HYLS1: variants seen among roughly 807,000 people sequenced by gnomAD.
The protein encoded by HYLS1 is HYLS1 centriolar and ciliogenesis associated.
Under a neutral mutation model 29.4 loss-of-function variants are expected in HYLS1, and 25 were observed. The observed-to-expected ratio is 0.85, with a 90% confidence interval of 0.62 to 1.19. HYLS1 has a LOEUF of 1.19. HYLS1 is among the 50% of genes most tolerant of loss of function. The pLI, the probability that HYLS1 is intolerant of heterozygous loss-of-function variation, is 0.00. For synonymous variants in HYLS1, 128 were observed against 126.7 expected, an observed-to-expected ratio of 1.01 and a Z score of -0.07; for missense variants, 352 against 365.1, an observed-to-expected ratio of 0.96 and a Z score of 0.29.
chr11:125,893,253 C>T (rs1944463124), intron 2 of HYLS1, among the ~76,000 whole-genome samples: 1 of 152,210 alleles, frequency 6.6e-6, no homozygotes, highest in African/African-American at 2.4e-5. Context: ...AAAACATTTA[C>T]CAACCTCTGC....
At chr11:125,894,196 A>G in intron 2 of HYLS1, 1 of 1,614,082 alleles carries the variant, frequency 6.2e-7, no homozygotes, top group Non-Finnish European at 8.5e-7. Context: ...GTAGGTGGGT[A>G]ATATTGAACT....
At chr11:125,889,097 T>A (rs956858806) in intron 1 of HYLS1, among the ~76,000 whole-genome samples, 3 of 152,212 alleles carry the variant, frequency 2.0e-5, no homozygotes, top group African/African-American at 7.2e-5. Context: ...GTTACAAATA[T>A]AATAAAGTAT....
At chr11:125,898,257 A>G (rs1944649358) in intron 2 of HYLS1, among the ~76,000 whole-genome samples, 1 of 152,190 alleles carries the variant, frequency 6.6e-6, no homozygotes, top group Admixed American at 6.5e-5. Context: ...GGGACACAGG[A>G]AATAGTGGAC....
intron 2 of HYLS1, chr11:125,894,230 C>G: frequency 6.2e-7 from 1 of 1,613,044 alleles, no homozygotes; most frequent in Non-Finnish European, 8.5e-7. Flanking sequence ...GTCATAGATC[C>G]ACTTGACATT....
intron 1 of HYLS1, among the ~76,000 whole-genome samples, chr11:125,889,797 A>C (rs1441971919): frequency 1.3e-5 from 2 of 152,182 alleles, no homozygotes; most frequent in African/African-American, 4.8e-5. Context: ...ATTATCCCCA[A>C]CACACAGGGC....
In HYLS1 at chr11:125,893,905, G is replaced by A. The variant is rs1189026420; in HGVS notation, c.-26+2433G>A. On this transcript the variant is annotated intron_variant, in intron 2 of 2. Coordinates refer to ENST00000425380, the MANE Select transcript of HYLS1 (RefSeq NM_001134793.2). ...TTTTGGCTTTTGTTTCTTCCTCATG[G>A]AATAAATGTGGGTGCTCAATTCGTC... 10 of 1,613,982 alleles carry A rather than the reference G, an allele frequency of 6.2e-6. No homozygotes were observed. The Admixed American group carries it at 1.7e-4, about 27-fold the overall frequency.
chr11:125,884,902 C>T (rs1056719793), upstream of HYLS1, among the ~76,000 whole-genome samples: 5 of 152,072 alleles, frequency 3.3e-5, no homozygotes, highest in African/African-American at 1.2e-4. Context: ...GGATTTTTCT[C>T]TATATACTGT....
At chr11:125,897,381 A>C (rs988425830) in intron 2 of HYLS1, among the ~76,000 whole-genome samples, 5 of 152,150 alleles carry the variant, frequency 3.3e-5, no homozygotes, top group African/African-American at 1.2e-4. Flanking sequence ...CTAGAAAAAG[A>C]TGTGACCTAA....
intron 2 of HYLS1, chr11:125,896,386 T>C: frequency 8.7e-7 from 1 of 1,145,054 alleles, no homozygotes; most frequent in Non-Finnish European, 1.2e-6. Flanking sequence ...TTGATGATGT[T>C]CTAATGGTAT....
chr11:125,895,007 T>G (rs1208784173), intron 2 of HYLS1, among the ~76,000 whole-genome samples: 1 of 152,108 alleles, frequency 6.6e-6, no homozygotes, highest in Non-Finnish European at 1.5e-5. Flanking sequence ...AATCAGTGAC[T>G]TCGTTATTTA....
At chr11:125,896,996 A>G (rs145212105) in intron 2 of HYLS1, among the ~76,000 whole-genome samples, 6 of 152,344 alleles carry the variant, frequency 3.9e-5, no homozygotes, top group African/African-American at 1.4e-4. Flanking sequence ...ATATTTTGAT[A>G]AAAGATTTCT....
rs1293083784 is a variant in HYLS1 at position 125,895,405 on chromosome 11, C to A, written c.-26+3933C>A. 9 of 1,614,020 alleles carry A rather than the reference C, an allele frequency of 5.6e-6. No individual in the cohort carries two copies. In the African/African-American group the frequency reaches 1.2e-4, roughly 22 times the overall value. ...TGGAAAGGTTCTTGCCATCTCCCCT[C>A]ACCTGGGCTCTGGCCCACTAGCTGT... On this transcript the variant is annotated intron_variant, in intron 2 of 2. Coordinates refer to ENST00000425380, the MANE Select transcript of HYLS1 (RefSeq NM_001134793.2).
chr11:125,885,337 G>A (rs112135696), upstream of HYLS1, among the ~76,000 whole-genome samples: 3,504 of 152,192 alleles, frequency 0.023, 132 homozygotes, highest in African/African-American at 0.078. Context: ...TGTAGTCCCA[G>A]CTACTCAGGA....
At position 125,899,699 on chromosome 11, in the gene HYLS1, G is replaced by T; in HGVS notation, c.331G>T (p.Asp111Tyr). The T allele has an allele frequency of 6.2e-7, 1 of 1,614,246 alleles. No individual in the cohort carries two copies. The highest frequency in any genetic ancestry group is 8.5e-7 in the Non-Finnish European group (1 of 1,180,028). ...GCCAGATGGGGAAGTATTAGTAACA[G>T]ATGAGTCGATTATCAGTGAATCAGA... is the stretch of plus-strand genomic sequence containing the variant. ...RKPDGEVLVT[D>Y]ESIISESESG... The change falls in exon 3 of 3, where the codon GAT becomes TAT. Residue 111 changes from aspartate to tyrosine, a missense_variant. Coordinates refer to ENST00000425380, the MANE Select transcript of HYLS1 (RefSeq NM_001134793.2).
At chr11:125,885,634 C>G (rs1344844962), upstream of HYLS1, among the ~76,000 whole-genome samples, 1 of 152,178 alleles carries the variant, frequency 6.6e-6, no homozygotes, top group South Asian at 2.1e-4. Context: ...TAAATTTGCT[C>G]CTATGGAAAG....
chr11:125,899,843 G>A lies in HYLS1; in HGVS notation c.475G>A (p.Glu159Lys). 1 of 1,614,144 alleles carries A rather than the reference G, an allele frequency of 6.2e-7. No homozygotes were observed. The highest frequency in any genetic ancestry group is 2.2e-5 in the East Asian group (1 of 44,888). ...TTCACAAAAATTTAACCTACCACAT[G>A]AATACCAAGGAATTTCTCAAGATCA... is the stretch of plus-strand genomic sequence containing the variant. ...DVSQKFNLPHEYQGISQDQLI... is the reference protein window; with the variant it reads ...DVSQKFNLPHKYQGISQDQLI... The change falls in exon 3 of 3, where the codon GAA (glutamate) becomes AAA (lysine). Residue 159 changes from glutamate (E) to lysine (K), a missense_variant. Glu to Lys is a moderately conservative substitution (Grantham distance 56). Coordinates refer to ENST00000425380, the MANE Select transcript of HYLS1 (RefSeq NM_001134793.2).
intron 2 of HYLS1, chr11:125,895,306 G>T: frequency 6.2e-7 from 1 of 1,613,844 alleles, no homozygotes; most frequent in Non-Finnish European, 8.5e-7. Context: ...TGGCCAATCA[G>T]AAAGAGGATA....
rs1944707142 is a variant in HYLS1 at position 125,899,790 on chromosome 11, A to G, written c.422A>G (p.Gln141Arg). 4 of 1,614,236 alleles carry G rather than the reference A, an allele frequency of 2.5e-6. No individual in the cohort carries two copies. The highest frequency in any genetic ancestry group is 2.5e-6 in the Non-Finnish European group (3 of 1,180,018). ...LRQRLMNVQF[Q>R]EDKESSFDVS... is the part of the protein sequence containing the mutation. ...CAAAGGCTGATGAATGTACAGTTCC[A>G]GGAAGACAAGGAATCTTCATTTGAT... is the stretch of plus-strand genomic sequence containing the variant. The change falls in exon 3 of 3, where the codon CAG (glutamine) becomes CGG (arginine). Residue 141 changes from glutamine (Q) to arginine (R), a missense_variant. Physicochemically the swap from Gln to Arg is conservative, Grantham distance 43. Coordinates refer to ENST00000425380, the MANE Select transcript of HYLS1 (RefSeq NM_001134793.2).
intron 2 of HYLS1, chr11:125,894,115 A>C: frequency 6.2e-7 from 1 of 1,614,124 alleles, no homozygotes; most frequent in South Asian, 1.1e-5. Context: ...AGGGTACTGG[A>C]ACAGTGTCCA....
Sources: gnomAD v4.1 joint callset for allele counts (sites outside exome capture counted in the v4.1 genomes callset) on GRCh38, gnomAD v4.1.1 for gene constraint, MANE v1.5 for transcripts, NCBI Gene and HGNC (gene_info 2026-07-23, HGNC 2026-07-21) for gene names.